The following DENND2B variants were observed in gnomAD, a reference collection of about 807,000 sequenced individuals.
DENND2B encodes the protein DENN domain-containing protein 2B.
A neutral mutation model predicts 116.0 loss-of-function variants in DENND2B; 32 were observed. The observed-to-expected ratio is 0.28, with a 90% CI of 0.21 to 0.37. The LOEUF (loss-of-function observed/expected upper bound fraction) is 0.37, where lower values mean the gene tolerates loss of function less well. Ranked by LOEUF, DENND2B falls within the 10% of genes least tolerant of loss-of-function variation. The pLI is 1.00. For missense variants in DENND2B, 1,276 were observed against 1,477.7 expected (o/e 0.86, Z 2.24); for synonymous variants, 588 against 583.9 (o/e 1.01, Z -0.10).
intron 2 of DENND2B, among the ~76,000 whole-genome samples, chr11:8,862,051 G>A (rs1488256778): frequency 2.0e-5 from 3 of 151,826 alleles, no homozygotes; most frequent in Admixed American, 6.6e-5. Flanking sequence ...GAGGGAGGGA[G>A]GGGAGATGAA....
chr11:8,751,967 A>G (rs1040807781), intron 1 of DENND2B, among the ~76,000 whole-genome samples: 5 of 152,226 alleles, frequency 3.3e-5, no homozygotes, highest in Non-Finnish European at 5.9e-5. Context: ...CATTCAACAA[A>G]TATTTACTGA....
rs201882001 is a variant in DENND2B, at chr11:8,707,902, C to T, written c.2353-48G>A. 1.5e-3 allele frequency: 2,332 copies of T among 1,575,270 alleles called. 2 individuals carry two copies. Among genetic ancestry groups the T allele is most frequent in the Non-Finnish European group, 1.6e-3 (1,885 of 1,160,972 alleles). The stretch of plus-strand genomic sequence containing the variant: ...AGGAGAGAGACAGACACAGAGAATG[C>T]ATGATTACCATTTCTGGCTCCTTTT... On this transcript the variant is annotated intron_variant, in intron 11 of 19. Transcript: ENST00000313726. The surrounding 1 kb of genome is among the most constrained non-coding windows in gnomAD (Gnocchi z 4.8).
intron 1 of DENND2B, among the ~76,000 whole-genome samples, chr11:8,896,532 G>A (rs535585802): frequency 8.1e-4 from 123 of 152,300 alleles, no homozygotes; most frequent in Admixed American, 1.2e-3. Flanking sequence ...TTAACATAAA[G>A]CCGCAATAAA....
chr11:8,909,459 G>T (rs1193798855), intron 1 of DENND2B, among the ~76,000 whole-genome samples: 1 of 151,968 alleles, frequency 6.6e-6, no homozygotes, highest in Non-Finnish European at 1.5e-5. Context: ...AGGAGAAGGA[G>T]AAGGAGAAGA....
At chr11:8,869,932 G>GCA (rs1555219240) in intron 2 of DENND2B, among the ~76,000 whole-genome samples, 2 of 92,876 alleles carry the variant, frequency 2.2e-5, no homozygotes, top group Admixed American at 1.0e-4. Flanking sequence ...CCTAATTCTG[G>GCA]CAAAAAAAAA....
At chr11:8,697,354 G>C (rs2040548700) in intron 17 of DENND2B, among the ~76,000 whole-genome samples, 171 bp downstream of exon 17, 1 of 152,252 alleles carries the variant, frequency 6.6e-6, no homozygotes, top group Admixed American at 6.5e-5. Flanking sequence ...CATGTCTTTG[G>C]GTTTTCCTTC....
chr11:8,887,200 A>G (rs2063970969), intron 1 of DENND2B, among the ~76,000 whole-genome samples: 1 of 152,230 alleles, frequency 6.6e-6, no homozygotes, highest in African/African-American at 2.4e-5. Flanking sequence ...ATAGAATGAT[A>G]AAGCTTTCTT....
At chr11:8,805,207 T>C (rs746464179) in intron 1 of DENND2B, among the ~76,000 whole-genome samples, 5 of 152,192 alleles carry the variant, frequency 3.3e-5, no homozygotes, top group Non-Finnish European at 5.9e-5. Context: ...CTGCAATGCA[T>C]GTCAGATACT....
chr11:8,895,165 C>T (rs1210154599), intron 1 of DENND2B, among the ~76,000 whole-genome samples: 1 of 151,834 alleles, frequency 6.6e-6, no homozygotes, highest in Admixed American at 6.6e-5. Flanking sequence ...AACCAAACAC[C>T]GCATGTTCTC....
At position 8,715,774 on chromosome 11, in the gene DENND2B, C is replaced by A; in HGVS notation, c.1674G>T (p.Trp558Cys). ...GCAGCCGGTGGCTCTTCCTTTCTGACCAGTTCCCACTGCGCAGGGACTGGC... is the reference window on the plus strand; with the variant it reads ...GCAGCCGGTGGCTCTTCCTTTCTGAACAGTTCCCACTGCGCAGGGACTGGC... Reference protein sequence around the residue: ...PNSQSLRSGNWSERKSHRLPR... With the variant: ...PNSQSLRSGNCSERKSHRLPR... The change falls in exon 6 of 20, where the codon TGG becomes TGT. Residue 558 changes from tryptophan to cysteine, a missense_variant. Trp to Cys is a radical substitution (Grantham distance 215). Around this residue, in one of 2 missense-constraint regions of DENND2B, gnomAD observed 856 missense variants for 846.6 expected, o/e 1.01. Transcript: ENST00000313726. 6.2e-7 allele frequency: 1 copy of A among 1,612,944 alleles called. No homozygotes were observed. Among genetic ancestry groups the A allele is most frequent in the Non-Finnish European group, 8.5e-7 (1 of 1,179,084 alleles).
intron 1 of DENND2B, among the ~76,000 whole-genome samples, chr11:8,895,233 A>G (rs1359698284): frequency 1.3e-5 from 2 of 151,098 alleles, no homozygotes; most frequent in Non-Finnish European, 2.9e-5. Flanking sequence ...GGAACATCAC[A>G]CACCAGGGCC....
chr11:8,823,786 G>C (rs960577742), intron 4 of DENND2B, among the ~76,000 whole-genome samples: 4 of 152,152 alleles, frequency 2.6e-5, no homozygotes, highest in Non-Finnish European at 4.4e-5. Flanking sequence ...AGCAGCATGA[G>C]AATGGACTAA....
chr11:8,758,615 G>C (rs2134097747), intron 1 of DENND2B, among the ~76,000 whole-genome samples: 1 of 152,280 alleles, frequency 6.6e-6, no homozygotes, highest in Non-Finnish European at 1.5e-5. Context: ...TAAGAAAGCA[G>C]GTGAATAGAA....
rs1735221926 is a variant in DENND2B at position 8,787,226 on chromosome 11, AT to A, written c.-26+23290del. ...TCTCCTCTGAGAGGACAGGATATAA[AT>A]CTGAAGAAACAATGTATATGAAAAT... On this transcript the variant is annotated intron_variant, in intron 1 of 19. Coordinates refer to ENST00000313726, the MANE Select transcript of DENND2B (RefSeq NM_213618.2). 3 of 152,254 alleles carry A rather than the reference AT, an allele frequency of 2.0e-5. No homozygotes were observed. In the South Asian group the frequency reaches 6.2e-4, roughly 31 times the overall value. 9.4% of individuals were successfully genotyped at this position (152,254 alleles called of 1,614,324 possible).
chr11:8,851,513 T>G (rs2063006738), intron 3 of DENND2B, among the ~76,000 whole-genome samples: 1 of 152,214 alleles, frequency 6.6e-6, no homozygotes, highest in South Asian at 2.1e-4. Flanking sequence ...CAAGAATGGC[T>G]GGAAACAGGC....
chr11:8,790,487 G>T (rs1397216307), intron 1 of DENND2B, among the ~76,000 whole-genome samples: 1 of 152,054 alleles, frequency 6.6e-6, no homozygotes, highest in African/African-American at 2.4e-5. Flanking sequence ...AACATTTCTG[G>T]GCCAGGCACA....
exon 2 of DENND2B, chr11:8,870,956 C>T (rs527311385): frequency 9.5e-4 from 144 of 152,012 alleles, no homozygotes; most frequent in African/African-American, 3.3e-3. Flanking sequence ...GCGCTTACCT[C>T]TGCGTTCCCC....
In DENND2B at chr11:8,699,203, G is replaced by C; in HGVS notation, c.2898+10C>G. The C allele has an allele frequency of 6.5e-7, 1 of 1,545,654 alleles. No homozygotes were observed. ...ACCCTTCCCCCCAGCTGGTTCCCCCGGTGGCCCACCTCCTCCACAGGCAGC... is the reference window on the plus strand; with the variant it reads ...ACCCTTCCCCCCAGCTGGTTCCCCCCGTGGCCCACCTCCTCCACAGGCAGC... On this transcript the variant is annotated intron_variant, in intron 15 of 19. Transcript: ENST00000313726.
rs1467443310 is a variant in DENND2B at position 8,820,645 on chromosome 11, C to A, written c.-114-9310G>T. On this transcript the variant is annotated intron_variant, in intron 4 of 6. Coordinates refer to the DENND2B transcript ENST00000524757. ...AAAAAACTGAACCAAAAAGGTTTCTCAAAACAACACTATCTTTACTGTATG... is the reference window on the plus strand; with the variant it reads ...AAAAAACTGAACCAAAAAGGTTTCTAAAAACAACACTATCTTTACTGTATG... Among the ~76,000 whole-genome samples the A allele has an allele frequency of 3.9e-5, 6 of 152,218 alleles. No individual in the cohort carries two copies. In the East Asian group the frequency reaches 9.6e-4, roughly 24 times the overall value.
Sources: allele counts gnomAD v4.1 joint callset (sites outside exome capture counted in the v4.1 genomes callset), GRCh38; gene constraint gnomAD v4.1.1; regional missense constraint gnomAD v4.1.1; non-coding constraint Gnocchi (gnomAD v3.1); transcripts MANE v1.5; gene names NCBI Gene and HGNC (gene_info 2026-07-23, HGNC 2026-07-21).